The following DMD variants were observed in gnomAD, a reference collection of about 807,000 sequenced individuals.
DMD encodes the protein dystrophin, also known as mutant dystrophin.
A neutral mutation model predicts 330.1 loss-of-function variants in DMD; 63 were observed. That is an observed-to-expected ratio of 0.19 (90% CI 0.16 to 0.24). The LOEUF is 0.24. Among genes scored for constraint, DMD ranks in the 10% least tolerant of loss-of-function variants. The probability of loss-of-function intolerance (pLI) is 1.00; values close to 1 mark genes in which losing one functional copy is unlikely to be tolerated. For missense variants in DMD, 3,344 were observed against 2,684.1 expected (o/e 1.25, Z -5.43); for synonymous variants, 1,223 against 959.8 (o/e 1.27, Z -5.07).
intron 1 of DMD, among the ~76,000 whole-genome samples, chrX:33,102,878 T>C (rs934995449): frequency 2.7e-5 from 3 of 112,183 alleles, no homozygotes; most frequent in Admixed American, 1.9e-4. Context: ...TGATGTTTAA[T>C]TGGTTCAGGT....
chrX:32,884,007 G>C (rs1303465590), intron 2 of DMD, among the ~76,000 whole-genome samples: 3 of 109,269 alleles, frequency 2.7e-5, no homozygotes, highest in Non-Finnish European at 1.9e-5. Flanking sequence ...TAAGTACATA[G>C]GTTTTCTGGT....
intron 7 of DMD, among the ~76,000 whole-genome samples, chrX:32,704,396 C>T: frequency 9.7e-6 from 1 of 103,261 alleles, no homozygotes; most frequent in East Asian, 2.8e-4. Flanking sequence ...CAGTCAACCT[C>T]AGGGAAGTCC....
chrX:31,713,983 C>G (rs1470912580), intron 52 of DMD, among the ~76,000 whole-genome samples: 4 of 111,829 alleles, frequency 3.6e-5, no homozygotes, highest in Non-Finnish European at 7.5e-5. Context: ...AAAATAATCT[C>G]ACTCTAGGTT....
intron 7 of DMD, among the ~76,000 whole-genome samples, chrX:32,804,297 G>A (rs772517457): frequency 8.9e-6 from 1 of 111,983 alleles, no homozygotes; most frequent in African/African-American, 3.2e-5. Flanking sequence ...AGGGAGGGGC[G>A]TCCGCCATTA....
At chrX:32,576,215 C>A (rs767491434) in intron 13 of DMD, among the ~76,000 whole-genome samples, 5 of 111,521 alleles carry the variant, frequency 4.5e-5, no homozygotes, top group East Asian at 5.6e-4. Flanking sequence ...TAGTACAAAA[C>A]CCTATATATA....
At chrX:33,159,111 C>G (rs756301458) in intron 1 of DMD, 15 of 111,819 alleles carry the variant, frequency 1.3e-4, no homozygotes, top group Admixed American at 6.6e-4. Flanking sequence ...AGCTAACATT[C>G]AAAACTAGGT....
At chrX:33,022,563 T>C (rs1378116825) in intron 1 of DMD, among the ~76,000 whole-genome samples, 1 of 110,502 alleles carries the variant, frequency 9.0e-6, no homozygotes, top group African/African-American at 3.3e-5. Flanking sequence ...ATACAATTAA[T>C]TGTATTATTA....
chrX:31,333,052 A>T (rs1198090433), intron 61 of DMD, among the ~76,000 whole-genome samples: 1 of 111,044 alleles, frequency 9.0e-6, no homozygotes, highest in Non-Finnish European at 1.9e-5. Flanking sequence ...CCATTTTCTG[A>T]CTCTTTAAAA....
At chrX:31,674,738 C>T (rs1189582335) in intron 53 of DMD, among the ~76,000 whole-genome samples, 1 of 112,470 alleles carries the variant, frequency 8.9e-6, no homozygotes, top group Non-Finnish European at 1.9e-5. Flanking sequence ...AAGTTTAAAA[C>T]GATCAAGAAA....
rs771620996 is a variant in DMD at position 33,239,805 on chromosome X, T to A, written c.7+99454A>T. On this transcript the variant is annotated intron_variant, in intron 1 of 17. Transcript: ENST00000288447. ...AAAAAATTAGGTTGAGCATCCCTAA[T>A]CCAAAAATACACACTCTGAAATGCT... Among the ~76,000 whole-genome samples the A allele has an allele frequency of 1.1e-4, 12 of 111,575 alleles. No individual in the cohort carries two copies. The South Asian group carries it at 4.5e-3, about 42-fold the overall frequency.
At chrX:32,608,586 T>C (rs1318023599) in intron 12 of DMD, among the ~76,000 whole-genome samples, 4 of 110,767 alleles carry the variant, frequency 3.6e-5, no homozygotes, top group Non-Finnish European at 7.6e-5. Flanking sequence ...GAATTTTTTT[T>C]TGCTGTATGC....
intron 52 of DMD, 42 bp from the exon 53 acceptor site, chrX:31,679,628 G>A: frequency 9.4e-7 from 1 of 1,060,995 alleles, no homozygotes; most frequent in Non-Finnish European, 1.3e-6. Context: ...GTAAATGCTA[G>A]TCTGGAGGAG....
At chrX:32,904,412 G>A (rs776840083) in intron 2 of DMD, among the ~76,000 whole-genome samples, 107 of 111,431 alleles carry the variant, frequency 9.6e-4, no homozygotes, top group Non-Finnish European at 1.6e-3. Flanking sequence ...TAGTAGAGAG[G>A]AAGATAGGTT....
intron 7 of DMD, among the ~76,000 whole-genome samples, chrX:32,715,200 C>A (rs2065573889): frequency 9.0e-6 from 1 of 110,882 alleles, no homozygotes; most frequent in Non-Finnish European, 1.9e-5. Flanking sequence ...GATCTTGGGC[C>A]AGGCGTGGTG....
At chrX:31,710,685 C>T (rs2084560672) in intron 52 of DMD, among the ~76,000 whole-genome samples, 1 of 111,366 alleles carries the variant, frequency 9.0e-6, no homozygotes, top group South Asian at 3.7e-4. Context: ...TTTCTTCTTT[C>T]AAATGGTTTA....
chrX:31,880,828 T>A (rs908066918), intron 47 of DMD, among the ~76,000 whole-genome samples: 1 of 112,476 alleles, frequency 8.9e-6, no homozygotes, highest in Admixed American at 9.5e-5. Context: ...CACAGACAAG[T>A]ATGTACAGTA....
chrX:31,522,595 A>G (rs2072932219), intron 55 of DMD, among the ~76,000 whole-genome samples: 1 of 108,608 alleles, frequency 9.2e-6, no homozygotes, highest in African/African-American at 3.4e-5. Flanking sequence ...GATGAGAAAA[A>G]GGGAGATATT....
At chrX:31,741,404 T>C (rs1252058460) in intron 51 of DMD, among the ~76,000 whole-genome samples, 2 of 111,977 alleles carry the variant, frequency 1.8e-5, no homozygotes, top group African/African-American at 6.5e-5. Context: ...ATGATTTAAG[T>C]AATAAGACTT....
chrX:32,373,222 CTTAGATGAAT>C (rs1324172307), intron 34 of DMD, among the ~76,000 whole-genome samples: 6 of 109,789 alleles, frequency 5.5e-5, no homozygotes, highest in Non-Finnish European at 1.1e-4. Context: ...AGGAAGAAAA[CTTAGATGAAT>C]CATTCTATTT....
Sources: allele counts gnomAD v4.1 joint callset (sites outside exome capture counted in the v4.1 genomes callset), GRCh38; gene constraint gnomAD v4.1.1; transcripts MANE v1.5; gene names NCBI Gene and HGNC (gene_info 2026-07-23, HGNC 2026-07-21).